The following TRIM67 variants were observed in gnomAD, a reference collection of about 807,000 sequenced individuals.
TRIM67 encodes tripartite motif-containing protein 67.
A neutral mutation model predicts 71.0 loss-of-function variants in TRIM67; 39 were observed. The observed-to-expected ratio is 0.55, with a 90% CI of 0.43 to 0.72. TRIM67 has a LOEUF of 0.72. Among genes scored for constraint, TRIM67 ranks in the 30% least tolerant of loss-of-function variants. The pLI, the probability that TRIM67 is intolerant of heterozygous loss-of-function variation, is 0.00. For synonymous variants in TRIM67, 481 were observed against 473.9 expected, an observed-to-expected ratio of 1.01 and a Z score of -0.19; for missense variants, 973 against 1,079.2, an observed-to-expected ratio of 0.90 and a Z score of 1.38.
chr1:231,174,165 T>G (rs1375195650), intron 1 of TRIM67, among the ~76,000 whole-genome samples: 1 of 150,300 alleles, frequency 6.7e-6, no homozygotes, highest in East Asian at 1.9e-4. Context: ...TTTTTTTTTT[T>G]TTTTCTATTT....
At chr1:231,166,610 T>C (rs9431947) in intron 1 of TRIM67, among the ~76,000 whole-genome samples, 20,696 of 152,190 alleles carry the variant, frequency 0.14, 1,657 homozygotes, top group African/African-American at 0.22. Flanking sequence ...AGAACTAGAA[T>C]TGGGACAGCA....
Position 231,200,259 on chromosome 1 carries a change from G to A in TRIM67, c.1374+1G>A, listed in dbSNP as rs1683484324. On this transcript the variant is annotated splice_donor_variant, in intron 4 of 9. Coordinates refer to ENST00000366653, the MANE Select transcript of TRIM67 (RefSeq NM_001004342.5). LOFTEE classifies it high-confidence loss of function. ...GAACGACCCCTCCGGGTTCTTACAG[G>A]TGAGCCTGTCCCTGGAAGACACAAA... 3 of 1,605,422 alleles carry A rather than the reference G, an allele frequency of 1.9e-6. No homozygotes were observed. The highest frequency in any genetic ancestry group is 2.6e-6 in the Non-Finnish European group (3 of 1,172,326).
At chr1:231,207,735 G>T (rs955143193) in intron 7 of TRIM67, among the ~76,000 whole-genome samples, 4 of 152,188 alleles carry the variant, frequency 2.6e-5, no homozygotes, top group African/African-American at 9.6e-5. Flanking sequence ...GAGTCACTTT[G>T]TACACCCCTA....
chr1:231,211,190 A>G (rs1204919082), intron 8 of TRIM67, among the ~76,000 whole-genome samples: 1 of 151,962 alleles, frequency 6.6e-6, no homozygotes, highest in Non-Finnish European at 1.5e-5. Context: ...CAGACTCCCC[A>G]GCTCTCCTGG....
chr1:231,208,212 C>T (rs1425573288), intron 7 of TRIM67, among the ~76,000 whole-genome samples: 3 of 149,526 alleles, frequency 2.0e-5, no homozygotes, highest in Admixed American at 6.7e-5. Context: ...CTTGATCTGT[C>T]GCCCAAGCTG....
chr1:231,169,297 T>C (rs778305827), intron 1 of TRIM67, among the ~76,000 whole-genome samples: 12 of 151,436 alleles, frequency 7.9e-5, no homozygotes, highest in Non-Finnish European at 1.5e-4. Context: ...TCAAGTGATC[T>C]GTCCGCCTTG....
At position 231,216,336 on chromosome 1, in the gene TRIM67, T is replaced by A; in HGVS notation, c.*896T>A. ...TGACAGTCTCCTAAAATTAATTCACTCAGTTCTTAGTTCTTAAATCCACGT... is the reference window on the plus strand; with the variant it reads ...TGACAGTCTCCTAAAATTAATTCACACAGTTCTTAGTTCTTAAATCCACGT... On this transcript the variant is annotated 3_prime_UTR_variant, in exon 10 of 10. Transcript: ENST00000366653. 1.0e-6 allele frequency: 1 copy of A among 985,420 alleles called. No homozygotes were observed. Among genetic ancestry groups the A allele is most frequent in the Non-Finnish European group, 1.2e-6 (1 of 829,928 alleles). 61.0% of individuals were successfully genotyped at this position (985,420 alleles called of 1,614,324 possible).
chr1:231,174,866 T>C (rs1251999516), intron 1 of TRIM67, among the ~76,000 whole-genome samples: 1 of 152,138 alleles, frequency 6.6e-6, no homozygotes, highest in Non-Finnish European at 1.5e-5. Context: ...AATAAATGCA[T>C]AAATAAACAA....
At chr1:231,193,173 A>G (rs1340219628) in intron 1 of TRIM67, among the ~76,000 whole-genome samples, 1 of 152,114 alleles carries the variant, frequency 6.6e-6, no homozygotes, top group African/African-American at 2.4e-5. Context: ...GATCTATCCC[A>G]CTCTTTGCAT....
intron 1 of TRIM67, among the ~76,000 whole-genome samples, chr1:231,174,257 C>T (rs1682688357): frequency 6.7e-6 from 1 of 149,748 alleles, no homozygotes; most frequent in Non-Finnish European, 1.5e-5. Flanking sequence ...CTCCTAGGTT[C>T]AAACAATCCT....
At chr1:231,206,294 A>G (rs1026045649) in intron 6 of TRIM67, among the ~76,000 whole-genome samples, 2 of 151,556 alleles carry the variant, frequency 1.3e-5, no homozygotes, top group African/African-American at 4.8e-5. Context: ...TATATAAATT[A>G]GCTGGGCATG....
Position 231,162,862 on chromosome 1 carries a change from C to T in TRIM67, c.-108C>T. Reference sequence around the variant, plus strand: ...GAAGTGGGCATGCCCGTGTGATGCCCCCGCCCGTCGTCTCACCGGGGCGCA... The same window carrying T: ...GAAGTGGGCATGCCCGTGTGATGCCTCCGCCCGTCGTCTCACCGGGGCGCA... On this transcript the variant is annotated 5_prime_UTR_variant, in exon 1 of 10. Coordinates refer to ENST00000366653, the MANE Select transcript of TRIM67 (RefSeq NM_001004342.5). 1.4e-6 allele frequency: 2 copies of T among 1,449,378 alleles called. No homozygotes were observed. Among genetic ancestry groups the T allele is most frequent in the African/African-American group, 1.4e-5 (1 of 70,576 alleles). The allele number at this position is 1,449,378 out of a possible 1,614,324, so 89.8% of individuals were successfully genotyped here.
chr1:231,170,282 A>G (rs1377062023), intron 1 of TRIM67, among the ~76,000 whole-genome samples: 1 of 152,142 alleles, frequency 6.6e-6, no homozygotes, highest in African/African-American at 2.4e-5. Context: ...CACCGTGCCC[A>G]GTCTTTTTTT....
chr1:231,204,213 G>A lies in TRIM67; in HGVS notation c.1680+201G>A, dbSNP rs186070221. On this transcript the variant is annotated intron_variant, in intron 6 of 9. Transcript: ENST00000366653. ...TAGGTCTGGGAGGACTGACACAGGC[G>A]TGGGGCTGGAGGAGAACTCAGAGAA... Among the ~76,000 whole-genome samples, 270 of 152,330 alleles carry A rather than the reference G, an allele frequency of 1.8e-3. 3 individuals are homozygous for A. The highest frequency in any genetic ancestry group is 6.1e-3 in the African/African-American group (254 of 41,566).
intron 1 of TRIM67, among the ~76,000 whole-genome samples, chr1:231,175,218 A>G (rs1682713775): frequency 6.6e-6 from 1 of 152,210 alleles, no homozygotes; most frequent in Admixed American, 6.5e-5. Flanking sequence ...ATCTGCAGCT[A>G]TCAGTGATGA....
intron 1 of TRIM67, among the ~76,000 whole-genome samples, chr1:231,183,124 G>C (rs1268281144): frequency 6.6e-6 from 1 of 152,184 alleles, no homozygotes; most frequent in Non-Finnish European, 1.5e-5. Flanking sequence ...AAGGGATAAA[G>C]AAGAGACCTC....
intron 1 of TRIM67, among the ~76,000 whole-genome samples, chr1:231,192,355 A>G (rs1052833809): frequency 1.3e-5 from 2 of 151,958 alleles, no homozygotes; most frequent in Middle Eastern, 3.2e-3. Context: ...AGCTCACTAT[A>G]TTACCCAGTC....
At chr1:231,183,484 G>A (rs1021750772) in intron 1 of TRIM67, among the ~76,000 whole-genome samples, 20 of 152,146 alleles carry the variant, frequency 1.3e-4, no homozygotes, top group African/African-American at 2.6e-4. Flanking sequence ...ATGGTGGCAC[G>A]TGCCCAACAT....
At chr1:231,190,163 A>G (rs1296647092) in intron 1 of TRIM67, among the ~76,000 whole-genome samples, 1 of 152,182 alleles carries the variant, frequency 6.6e-6, no homozygotes, top group African/African-American at 2.4e-5. Context: ...AGATCCTCCC[A>G]GAGAGTTCTC....
Sources: gnomAD v4.1 joint callset for allele counts (sites outside exome capture counted in the v4.1 genomes callset) on GRCh38, gnomAD v4.1.1 for gene constraint, MANE v1.5 for transcripts, NCBI Gene and HGNC (gene_info 2026-07-23, HGNC 2026-07-21) for gene names.